Variants in HNRNPC observed in about 807,000 individuals in gnomAD.
HNRNPC encodes the protein heterogeneous nuclear ribonucleoproteins C1/C2.
In HNRNPC, 3 loss-of-function variants were observed where a neutral mutation model predicts 33.2. The ratio of observed to expected loss-of-function variants is 0.09; its 90% CI spans 0.04 to 0.23. HNRNPC has a LOEUF of 0.23. Ranked by LOEUF, HNRNPC falls within the 10% of genes least tolerant of loss-of-function variation. The pLI is 1.00. For synonymous variants in HNRNPC, 121 were observed against 126.7 expected (o/e 0.96, Z 0.30); for missense variants, 143 against 366.7 (o/e 0.39, Z 4.98).
intron 3 of HNRNPC, chr14:21,231,521 G>A (rs916303294): frequency 5.0e-6 from 2 of 401,364 alleles, no homozygotes; most frequent in African/African-American, 4.1e-5. Flanking sequence ...TTTTCGTAGG[G>A]ACGAACTCTT....
At chr14:21,261,594 C>A (rs1016614566) in intron 2 of HNRNPC, among the ~76,000 whole-genome samples, 1 of 152,042 alleles carries the variant, frequency 6.6e-6, no homozygotes, top group African/African-American at 2.4e-5. Flanking sequence ...ACCGAATATG[C>A]CTTCAAAAAA....
chr14:21,264,791 G>A (rs78113588), intron 1 of HNRNPC: 40 of 152,320 alleles, frequency 2.6e-4, no homozygotes, highest in African/African-American at 9.1e-4. Flanking sequence ...CACTTTGGGA[G>A]GCCAGGGTAG....
At chr14:21,255,251 GT>G in intron 2 of HNRNPC, among the ~76,000 whole-genome samples, 1 of 152,184 alleles carries the variant, frequency 6.6e-6, no homozygotes, top group East Asian at 1.9e-4. Flanking sequence ...AACTCCTGGA[GT>G]TTTTTCAGTT....
intron 2 of HNRNPC, among the ~76,000 whole-genome samples, chr14:21,245,615 C>G (rs1302495885): frequency 6.6e-6 from 1 of 152,122 alleles, no homozygotes; most frequent in Non-Finnish European, 1.5e-5. Context: ...GGGTTTGAAG[C>G]CCTAAGACAT....
At chr14:21,250,008 T>C (rs1290617495) in intron 2 of HNRNPC, among the ~76,000 whole-genome samples, 1 of 152,104 alleles carries the variant, frequency 6.6e-6, no homozygotes, top group African/African-American at 2.4e-5. Flanking sequence ...CACAGGAAGG[T>C]CTTATTTCTA....
At chr14:21,252,726 G>A (rs1896806787) in intron 2 of HNRNPC, among the ~76,000 whole-genome samples, 2 of 152,144 alleles carry the variant, frequency 1.3e-5, no homozygotes, top group African/African-American at 2.4e-5. Context: ...CAGATGAAAT[G>A]TATCAAGAAT....
chr14:21,220,841 A>AG (rs1054510538), intron 5 of HNRNPC, among the ~76,000 whole-genome samples: 1 of 152,032 alleles, frequency 6.6e-6, no homozygotes, highest in African/African-American at 2.4e-5. Context: ...TAAAAAAAAA[A>AG]AAATCAGCTA....
chr14:21,238,642 C>CA (rs1895002036), intron 2 of HNRNPC, among the ~76,000 whole-genome samples: 1 of 152,034 alleles, frequency 6.6e-6, no homozygotes, highest in South Asian at 2.1e-4. Flanking sequence ...TGTATATACT[C>CA]AAATATTTTG....
intron 2 of HNRNPC, among the ~76,000 whole-genome samples, chr14:21,255,799 A>T (rs1045777589): frequency 2.6e-5 from 4 of 152,244 alleles, no homozygotes; most frequent in African/African-American, 9.6e-5. Flanking sequence ...TACATAGAAA[A>T]AAACAAATTC....
chr14:21,220,833 A>T (rs1346132826), intron 5 of HNRNPC, among the ~76,000 whole-genome samples: 1 of 146,484 alleles, frequency 6.8e-6, no homozygotes, highest in African/African-American at 2.6e-5. Context: ...TATTTATTTA[A>T]AAAAAAAAAA....
chr14:21,266,248 G>C (rs557682479), intron 1 of HNRNPC, among the ~76,000 whole-genome samples: 5 of 151,996 alleles, frequency 3.3e-5, no homozygotes, highest in African/African-American at 1.2e-4. Flanking sequence ...GACTACAGGC[G>C]AGCGCCAGCA....
rs539153247 is a variant in HNRNPC, at chr14:21,217,701, A to G, written c.366-4584T>C. Among the ~76,000 whole-genome samples, 8 of 152,312 alleles carry G rather than the reference A, an allele frequency of 5.3e-5. No homozygotes were observed. The South Asian group carries it at 8.3e-4, about 16-fold the overall frequency. On this transcript the variant is annotated intron_variant, in intron 5 of 8. Transcript: ENST00000553300. ...TATTCTATCAGAAAGAATTACAAAT[A>G]TTAGTATTTAGGGATATTTTTGTAA...
intron 2 of HNRNPC, among the ~76,000 whole-genome samples, chr14:21,244,982 G>A (rs1289080969): frequency 6.6e-6 from 1 of 151,452 alleles, no homozygotes; most frequent in Non-Finnish European, 1.5e-5. Context: ...CTACTCAGGA[G>A]GCTGAGGCAG....
intron 2 of HNRNPC, among the ~76,000 whole-genome samples, chr14:21,259,659 TC>T (rs1176642017): frequency 6.6e-6 from 1 of 152,112 alleles, no homozygotes; most frequent in Non-Finnish European, 1.5e-5. Context: ...CCTGAGATGC[TC>T]CTAATTTTAC....
intron 3 of HNRNPC, among the ~76,000 whole-genome samples, chr14:21,231,741 C>A (rs1894142179): frequency 6.6e-6 from 1 of 152,220 alleles, no homozygotes; most frequent in Non-Finnish European, 1.5e-5. Context: ...TCTCCACCCT[C>A]AGATACCACT....
At chr14:21,214,964 C>G (rs111643735) in intron 5 of HNRNPC, among the ~76,000 whole-genome samples, 1 of 152,154 alleles carries the variant, frequency 6.6e-6, no homozygotes, top group Non-Finnish European at 1.5e-5. Flanking sequence ...AAACCTTCAC[C>G]GGCACCCGTA....
intron 6 of HNRNPC, among the ~76,000 whole-genome samples, chr14:21,212,214 T>G (rs1270316770): frequency 6.6e-6 from 1 of 152,142 alleles, no homozygotes; most frequent in Non-Finnish European, 1.5e-5. Flanking sequence ...CCTGGCCTCA[T>G]GAAATCCTCC....
intron 5 of HNRNPC, among the ~76,000 whole-genome samples, chr14:21,214,535 G>A (rs1891945622): frequency 6.6e-6 from 1 of 152,086 alleles, no homozygotes; most frequent in Non-Finnish European, 1.5e-5. Context: ...AGAGAACCAT[G>A]ACTGCACCAC....
intron 2 of HNRNPC, among the ~76,000 whole-genome samples, chr14:21,257,412 A>G (rs991824970): frequency 6.6e-6 from 1 of 152,134 alleles, no homozygotes; most frequent in African/African-American, 2.4e-5. Context: ...TTCAAGGAAG[A>G]GATCTGGTTA....
Sources: gnomAD v4.1 joint callset for allele counts (sites outside exome capture counted in the v4.1 genomes callset) on GRCh38, gnomAD v4.1.1 for gene constraint, MANE v1.5 for transcripts, NCBI Gene and HGNC (gene_info 2026-07-23, HGNC 2026-07-21) for gene names.